Variants in IMPG2 observed in about 807,000 individuals in gnomAD.
IMPG2 encodes the protein interphotoreceptor matrix proteoglycan 2.
In IMPG2, 91 loss-of-function variants were observed where a neutral mutation model predicts 129.2. That is an observed-to-expected ratio of 0.70 (90% CI 0.59 to 0.84). The LOEUF (loss-of-function observed/expected upper bound fraction) is 0.84. IMPG2 is among the 40% of genes least tolerant of loss of function. The pLI, the probability that IMPG2 is intolerant of heterozygous loss-of-function variation, is 0.00. For synonymous variants in IMPG2, 510 were observed against 517.7 expected (o/e 0.99, Z 0.20); for missense variants, 1,430 against 1,461.7 (o/e 0.98, Z 0.35).
At chr3:101,253,556 G>T in intron 11 of IMPG2, 140 bp downstream of exon 11, 1 of 699,882 alleles carries the variant, frequency 1.4e-6, no homozygotes, top group Non-Finnish European at 2.5e-6. Context: ...TGACAGCTAT[G>T]AGTAATGGTC....
chr3:101,309,911 A>C (rs78041056), intron 2 of IMPG2, among the ~76,000 whole-genome samples: 9,234 of 152,298 alleles, frequency 0.061, 397 homozygotes, highest in Non-Finnish European at 0.099. Flanking sequence ...TGAGTGAAAG[A>C]AGCATTACAC....
intron 3 of IMPG2, 107 bp from the exon 4 acceptor site, chr3:101,291,617 T>A: frequency 1.3e-6 from 1 of 787,054 alleles, no homozygotes; most frequent in Non-Finnish European, 2.2e-6. Context: ...GTAGAATCTA[T>A]GTTAGTACTC....
At chr3:101,298,418 T>A (rs1707104920) in intron 3 of IMPG2, among the ~76,000 whole-genome samples, 1 of 152,230 alleles carries the variant, frequency 6.6e-6, no homozygotes, top group South Asian at 2.1e-4. Flanking sequence ...TATTGTTATG[T>A]GTGAATTTGA....
chr3:101,237,309 T>A (rs1208341773), intron 14 of IMPG2, among the ~76,000 whole-genome samples: 1 of 152,072 alleles, frequency 6.6e-6, no homozygotes, highest in Non-Finnish European at 1.5e-5. Context: ...ACTTAAACAT[T>A]CCTGCCTGCT....
chr3:101,289,323 G>T (rs1215214019), intron 4 of IMPG2, among the ~76,000 whole-genome samples: 1 of 152,054 alleles, frequency 6.6e-6, no homozygotes, highest in Non-Finnish European at 1.5e-5. Flanking sequence ...AAAATCAGAT[G>T]CTTAAGAATC....
At chr3:101,303,048 T>G (rs1464323154) in intron 3 of IMPG2, among the ~76,000 whole-genome samples, 1 of 152,218 alleles carries the variant, frequency 6.6e-6, no homozygotes, top group Non-Finnish European at 1.5e-5. Context: ...TACGATATAC[T>G]AATCTGATTT....
chr3:101,303,249 C>G (rs1707156534), intron 3 of IMPG2, among the ~76,000 whole-genome samples: 1 of 152,086 alleles, frequency 6.6e-6, no homozygotes, highest in Non-Finnish European at 1.5e-5. Context: ...TATTTACTAC[C>G]TTATGGGAAT....
Position 101,257,581 on chromosome 3 carries a change from C to CA in IMPG2, c.1100dup (p.Leu367PhefsTer12), listed in dbSNP as rs1260931426. 6 of 1,613,204 alleles carry CA rather than the reference C, an allele frequency of 3.7e-6. No individual in the cohort carries two copies. Among genetic ancestry groups the CA allele is most frequent in the East Asian group, 2.2e-5 (1 of 44,874 alleles). On this transcript the variant is annotated frameshift_variant, in exon 10 of 19. Coordinates refer to ENST00000193391, the MANE Select transcript of IMPG2 (RefSeq NM_016247.4). LOFTEE classifies it high-confidence loss of function. ...CTGGATTCAAGGAAGAGTTCCCCAG[C>CA]AAAAAATTCTGCTGCAATGTCTCAG...
intron 11 of IMPG2, among the ~76,000 whole-genome samples, chr3:101,250,711 CT>C (rs1422224817): frequency 1.3e-5 from 2 of 152,164 alleles, no homozygotes; most frequent in Non-Finnish European, 2.9e-5. Context: ...AGCAAACAGA[CT>C]TGGCAGTCCA....
rs565290102 is a variant in IMPG2 at position 101,282,560 on chromosome 3, T to A, written c.534-5847A>T. On this transcript the variant is annotated intron_variant, in intron 4 of 18. Coordinates refer to ENST00000193391, the MANE Select transcript of IMPG2 (RefSeq NM_016247.4). ...CTTATCAATAGAGATACATGATACA[T>A]ACAGTCAGTTCTGCTATGCTATTTA... 3.2e-4 allele frequency among the ~76,000 whole-genome samples: 49 copies of A among 152,328 alleles called. No individual in the cohort carries two copies. The South Asian group carries it at 9.3e-3, about 29-fold the overall frequency.
At chr3:101,265,248 G>GA (rs1402784335) in intron 9 of IMPG2, among the ~76,000 whole-genome samples, 1 of 151,856 alleles carries the variant, frequency 6.6e-6, no homozygotes, top group Non-Finnish European at 1.5e-5. Context: ...GCAATCCTAA[G>GA]AAAAAATAAC....
chr3:101,282,012 C>T (rs1423848598), intron 4 of IMPG2, among the ~76,000 whole-genome samples: 1 of 152,102 alleles, frequency 6.6e-6, no homozygotes, highest in Non-Finnish European at 1.5e-5. Context: ...CTGCCAAGGT[C>T]AGACTAATTA....
At chr3:101,248,912 A>C (rs1214702171) in intron 11 of IMPG2, among the ~76,000 whole-genome samples, 1 of 152,042 alleles carries the variant, frequency 6.6e-6, no homozygotes, top group Non-Finnish European at 1.5e-5. Flanking sequence ...TGTGATCTGC[A>C]CCACCCCTGC....
At chr3:101,227,729 G>A in intron 18 of IMPG2, 1 of 450,148 alleles carries the variant, frequency 2.2e-6, no homozygotes, top group Non-Finnish European at 4.5e-6. Context: ...CCTCCTAGGA[G>A]CCAAGTCAGA....
At chr3:101,271,144 G>A (rs148661241) in intron 7 of IMPG2, among the ~76,000 whole-genome samples, 1,890 of 152,138 alleles carry the variant, frequency 0.012, 45 homozygotes, top group African/African-American at 0.043. Flanking sequence ...TTGTAGGGTG[G>A]TGGGGAGGGG....
At chr3:101,315,838 GA>G (rs148496591) in intron 2 of IMPG2, among the ~76,000 whole-genome samples, 1 of 146,116 alleles carries the variant, frequency 6.8e-6, no homozygotes, top group Non-Finnish European at 1.5e-5. Flanking sequence ...AAACAAATTT[GA>G]AAAAAAAACA....
At chr3:101,308,326 G>A (rs1707225598) in intron 2 of IMPG2, among the ~76,000 whole-genome samples, 1 of 152,236 alleles carries the variant, frequency 6.6e-6, no homozygotes, top group Admixed American at 6.5e-5. Flanking sequence ...CCTAGCAGAT[G>A]TTCCCCATGA....
chr3:101,263,115 C>T (rs146714205), intron 9 of IMPG2, among the ~76,000 whole-genome samples: 3 of 151,922 alleles, frequency 2.0e-5, no homozygotes, highest in South Asian at 4.1e-4. Flanking sequence ...GACTTCAACA[C>T]CCCATTATCT....
chr3:101,224,338 C>T lies in IMPG2; in HGVS notation c.*2631G>A, dbSNP rs1209807862. 1.9e-4 allele frequency: 29 copies of T among 152,110 alleles called. No homozygotes were observed. Among genetic ancestry groups the T allele is most frequent in the Admixed American group, 1.9e-3 (29 of 15,270 alleles). The allele number at this position is 152,110 out of a possible 1,614,324, so 9.4% of individuals were successfully genotyped here. A position where few individuals can be genotyped will look rare whatever the true frequency, so the allele number is the denominator to read the frequency against. ...GTAAAACACCACAGTATCTTACAAC[C>T]TTTTATAATAACATTTTTAAAATGG... is the stretch of plus-strand genomic sequence containing the variant. On this transcript the variant is annotated 3_prime_UTR_variant, in exon 19 of 19. Transcript: ENST00000193391.
Sources: gnomAD v4.1 joint callset for allele counts (sites outside exome capture counted in the v4.1 genomes callset) on GRCh38, gnomAD v4.1.1 for gene constraint, MANE v1.5 for transcripts, NCBI Gene and HGNC (gene_info 2026-07-23, HGNC 2026-07-21) for gene names.